The following PSKH2 variants were observed in gnomAD, a reference collection of about 807,000 sequenced individuals.
The protein encoded by PSKH2 is protein serine kinase H2.
PSKH2 carries 16 observed loss-of-function variants against 22.5 expected under a neutral mutation model. The ratio of observed to expected loss-of-function variants is 0.71; its 90% CI spans 0.48 to 1.08. The LOEUF is 1.08. Ranked by LOEUF, PSKH2 falls within the 50% of genes least tolerant of loss-of-function variation. The pLI, the probability that PSKH2 is intolerant of heterozygous loss-of-function variation, is 0.00. For missense variants in PSKH2, 516 were observed against 492.8 expected, an observed-to-expected ratio of 1.05 and a Z score of -0.44; for synonymous variants, 188 against 184.8, an observed-to-expected ratio of 1.02 and a Z score of -0.14.
chr8:86,049,734 GAAAGAAAGAAAGAAACGAAAGAAAGAA>G lies in PSKH2; in HGVS notation c.853-994_853-968del, dbSNP rs1563538715. 5.0e-4 allele frequency among the ~76,000 whole-genome samples: 23 copies of G among 45,630 alleles called. 3 individuals carry two copies. Among genetic ancestry groups the G allele is most frequent in the African/African-American group, 1.8e-3 (23 of 13,128 alleles). 29.9% of individuals were successfully genotyped at this position (45,630 alleles called of 152,430 possible). ...AGAAAGAAAGAAAGAAAGAAAGAAAGAAAGAAAGAAAGAAACGAAAGAAAGAAAGAAAGAGAAAAGAAAGAAAAAGAA... is the reference window on the plus strand; with the variant it reads ...AGAAAGAAAGAAAGAAAGAAAGAAAGAGAAAGAGAAAAGAAAGAAAAAGAA... On this transcript the variant is annotated intron_variant, in intron 2 of 2. Coordinates refer to ENST00000276616, the MANE Select transcript of PSKH2 (RefSeq NM_033126.3).
rs1817539908 is a variant in PSKH2 at position 86,047,159 on chromosome 8, A to G, written c.*1303T>C. 6.6e-6 allele frequency among the ~76,000 whole-genome samples: 1 copy of G among 152,216 alleles called. No individual in the cohort carries two copies. Among genetic ancestry groups the G allele is most frequent in the African/African-American group, 2.4e-5 (1 of 41,456 alleles). On this transcript the variant is annotated 3_prime_UTR_variant, in exon 3 of 3. Transcript: ENST00000276616. Reference sequence around the variant, plus strand: ...TTTCATTTTGTAAATTACAAATGAAATGAAGCATTTTTTTCATTTACTCAT... The same window carrying G: ...TTTCATTTTGTAAATTACAAATGAAGTGAAGCATTTTTTTCATTTACTCAT...
At chr8:86,069,775 T>C (rs1351366499), upstream of PSKH2, 1 of 824,668 alleles carries the variant, frequency 1.2e-6, no homozygotes, top group Non-Finnish European at 1.8e-6. Flanking sequence ...GCCCCCAGGA[T>C]ACCCGCTAAC....
chr8:86,055,078 C>T (rs1311101154), intron 2 of PSKH2, among the ~76,000 whole-genome samples: 1 of 152,076 alleles, frequency 6.6e-6, no homozygotes, highest in Non-Finnish European at 1.5e-5. Context: ...ATAGTATAAA[C>T]ATATAGAATA....
intron 2 of PSKH2, among the ~76,000 whole-genome samples, chr8:86,063,648 C>T (rs1211854268): frequency 6.6e-6 from 1 of 152,216 alleles, no homozygotes; most frequent in Non-Finnish European, 1.5e-5. Flanking sequence ...ACTCATTTAT[C>T]TACTTGATTG....
chr8:86,061,680 T>C (rs550169828), intron 2 of PSKH2, among the ~76,000 whole-genome samples: 1 of 152,056 alleles, frequency 6.6e-6, no homozygotes, highest in Admixed American at 6.6e-5. Flanking sequence ...ATAGAAAGAA[T>C]GAGAGAGAAA....
At chr8:86,065,296 T>A (rs1701883675) in intron 1 of PSKH2, among the ~76,000 whole-genome samples, 1 of 152,196 alleles carries the variant, frequency 6.6e-6, no homozygotes. Flanking sequence ...CAGGCTCATC[T>A]TGTACACAGT....
At chr8:86,050,174 T>G (rs1252630460) in intron 2 of PSKH2, among the ~76,000 whole-genome samples, 1 of 152,118 alleles carries the variant, frequency 6.6e-6, no homozygotes, top group Non-Finnish European at 1.5e-5. Context: ...GGCTGTTGCT[T>G]TATATTCAAA....
At chr8:86,054,668 G>A (rs564241908) in intron 2 of PSKH2, among the ~76,000 whole-genome samples, 1 of 152,164 alleles carries the variant, frequency 6.6e-6, no homozygotes, top group African/African-American at 2.4e-5. Context: ...AGAATGCTCT[G>A]TCTGCTGGGG....
At chr8:86,052,041 G>C (rs1817637912) in intron 2 of PSKH2, among the ~76,000 whole-genome samples, 1 of 152,066 alleles carries the variant, frequency 6.6e-6, no homozygotes, top group Non-Finnish European at 1.5e-5. Flanking sequence ...GTTTAGTAAA[G>C]TATAAAATAG....
intron 2 of PSKH2, among the ~76,000 whole-genome samples, chr8:86,061,031 C>T (rs1441816607): frequency 6.6e-6 from 1 of 152,210 alleles, no homozygotes; most frequent in African/African-American, 2.4e-5. Context: ...GCCTTGACCT[C>T]AGAAGGCCTG....
chr8:86,058,987 T>C (rs749865484), intron 2 of PSKH2, among the ~76,000 whole-genome samples: 21 of 152,142 alleles, frequency 1.4e-4, no homozygotes, highest in Non-Finnish European at 2.9e-4. Context: ...TCACCCAGGC[T>C]GGAGTGCAGT....
At position 86,064,555 on chromosome 8, in the gene PSKH2, G is replaced by T. The variant is rs763544175; in HGVS notation, c.262C>A (p.Pro88Thr). The T allele has an allele frequency of 3.1e-6, 5 of 1,613,856 alleles. No homozygotes were observed. The African/African-American group carries it at 6.7e-5, about 22-fold the overall frequency. Reference protein sequence around the residue: ...VRVEQKTTKKPFAIKVMETRE... With the variant: ...VRVEQKTTKKTFAIKVMETRE... ...GTTTCCATCACTTTTATTGCAAAAG[G>T]TTTCTTGGTGGTCTTCTGCTCTACC... The change falls in exon 2 of 3, where the codon CCT (proline) becomes ACT (threonine). Residue 88 changes from proline (P) to threonine (T), a missense_variant. Transcript: ENST00000276616.
Position 86,049,747 on chromosome 8 carries a change from A to AAAGAAAGAAAGGAAAGAAAGAAAGAAAGG in PSKH2, c.853-981_853-980insCCTTTCTTTCTTTCTTTCCTTTCTTTCTT, listed in dbSNP as rs1363102902. Among the ~76,000 whole-genome samples the AAAGAAAGAAAGGAAAGAAAGAAAGAAAGG allele has an allele frequency of 1.7e-4, 2 of 11,452 alleles. 1 individual carries two copies. The highest frequency in any genetic ancestry group is 5.4e-3 in the South Asian group (2 of 370). The allele number at this position is 11,452 out of a possible 152,430, so 7.5% of individuals were successfully genotyped here. ...GAAAGAAAGAAAGAAAGAAAGAAAG[A>AAAGAAAGAAAGGAAAGAAAGAAAGAAAGG]AACGAAAGAAAGAAAGAAAGAGAAA... is the stretch of plus-strand genomic sequence containing the variant. On this transcript the variant is annotated intron_variant, in intron 2 of 2. Coordinates refer to ENST00000276616, the MANE Select transcript of PSKH2 (RefSeq NM_033126.3).
chr8:86,060,474 T>C (rs555460458), intron 2 of PSKH2, among the ~76,000 whole-genome samples: 1 of 152,364 alleles, frequency 6.6e-6, no homozygotes, highest in African/African-American at 2.4e-5. Flanking sequence ...GGTAATATGA[T>C]GACAAATGAA....
At chr8:86,061,882 A>C (rs982686771) in intron 2 of PSKH2, among the ~76,000 whole-genome samples, 1 of 152,232 alleles carries the variant, frequency 6.6e-6, no homozygotes, top group African/African-American at 2.4e-5. Context: ...CATGAGTCAT[A>C]AAAAAGTGAT....
chr8:86,047,151 CAAATG>C lies in PSKH2; in HGVS notation c.*1306_*1310del, dbSNP rs1817539800. Reference sequence around the variant, plus strand: ...ATTTTTATTTTCATTTTGTAAATTACAAATGAAATGAAGCATTTTTTTCATTTACT... The same window carrying C: ...ATTTTTATTTTCATTTTGTAAATTACAAATGAAGCATTTTTTTCATTTACT... On this transcript the variant is annotated 3_prime_UTR_variant, in exon 3 of 3. Transcript: ENST00000276616. Among the ~76,000 whole-genome samples, 1 of 152,090 alleles carries C rather than the reference CAAATG, an allele frequency of 6.6e-6. No individual in the cohort carries two copies.
intron 2 of PSKH2, among the ~76,000 whole-genome samples, chr8:86,050,745 A>G (rs1817618708): frequency 6.6e-6 from 1 of 152,188 alleles, no homozygotes; most frequent in African/African-American, 2.4e-5. Context: ...CACAATTTCT[A>G]ATTGATGTGT....
chr8:86,068,123 G>A (rs1039657482), intron 1 of PSKH2, among the ~76,000 whole-genome samples: 6 of 152,180 alleles, frequency 3.9e-5, no homozygotes, highest in African/African-American at 1.4e-4. Context: ...ATTCAGTTCA[G>A]TCATATTAGC....
At position 86,056,764 on chromosome 8, in the gene PSKH2, A is replaced by C. The variant is rs371454844; in HGVS notation, c.852+7201T>G. ...ATTTGATCTTCACAACAACCCTTTT[A>C]GGTAGGTACCACCATGATTACCATT... On this transcript the variant is annotated intron_variant, in intron 2 of 2. Coordinates refer to ENST00000276616, the MANE Select transcript of PSKH2 (RefSeq NM_033126.3). Among the ~76,000 whole-genome samples the C allele has an allele frequency of 6.6e-5, 10 of 152,232 alleles. No homozygotes were observed. In the East Asian group the frequency reaches 7.7e-4, roughly 12 times the overall value.
Sources: allele counts gnomAD v4.1 joint callset (sites outside exome capture counted in the v4.1 genomes callset), GRCh38; gene constraint gnomAD v4.1.1; transcripts MANE v1.5; gene names NCBI Gene and HGNC (gene_info 2026-07-23, HGNC 2026-07-21).